C16orf87: variants seen among roughly 807,000 people sequenced by gnomAD.
The protein encoded by C16orf87 is UPF0547 protein C16orf87.
Under a neutral mutation model 21.0 loss-of-function variants are expected in C16orf87, and 13 were observed. The ratio of observed to expected loss-of-function variants is 0.62; its 90% CI spans 0.40 to 0.98. The LOEUF is 0.98. Among genes scored for constraint, C16orf87 ranks in the 50% least tolerant of loss-of-function variants. The pLI is 0.00. For synonymous variants in C16orf87, 49 were observed against 60.2 expected (o/e 0.81, Z 0.86); for missense variants, 113 against 180.4 (o/e 0.63, Z 2.14).
At chr16:46,820,330 A>G (rs1959365357) in intron 2 of C16orf87, among the ~76,000 whole-genome samples, 1 of 152,228 alleles carries the variant, frequency 6.6e-6, no homozygotes. Context: ...TTACTTATGC[A>G]AACAAGTCTT....
At position 46,802,749 on chromosome 16, in the gene C16orf87, C is replaced by T. The variant is rs1967813072; in HGVS notation, c.*203G>A. On this transcript the variant is annotated 3_prime_UTR_variant, in exon 4 of 4. Coordinates refer to ENST00000285697, the MANE Select transcript of C16orf87 (RefSeq NM_001001436.4). ...CCAAACACAAAACACTGACAATACT[C>T]CTTGGTAAACAAGGAAATCCCAGAA... The T allele has an allele frequency of 2.4e-6, 1 of 415,494 alleles. No homozygotes were observed. The allele number at this position is 415,494 out of a possible 1,614,324, so 25.7% of individuals were successfully genotyped here.
At chr16:46,809,934 C>T (rs1173324451) in intron 2 of C16orf87, 149 bp from the exon 3 acceptor site, 2 of 491,750 alleles carry the variant, frequency 4.1e-6, no homozygotes, top group East Asian at 3.1e-5. Flanking sequence ...TATATGTCTC[C>T]CCCACACCCT....
chr16:46,806,596 T>G (rs1225877152), intron 3 of C16orf87, among the ~76,000 whole-genome samples: 2 of 152,218 alleles, frequency 1.3e-5, no homozygotes, highest in East Asian at 3.8e-4. Flanking sequence ...TGTTCAGAAC[T>G]GCCTAACATA....
intron 1 of C16orf87, chr16:46,830,786 G>C: frequency 3.6e-6 from 1 of 281,572 alleles, no homozygotes; most frequent in Non-Finnish European, 6.6e-6. Context: ...GAGAGTCTGG[G>C]GCTCCAGACA....
chr16:46,812,862 T>C (rs960954742), intron 2 of C16orf87, among the ~76,000 whole-genome samples: 7 of 152,182 alleles, frequency 4.6e-5, no homozygotes, highest in African/African-American at 1.7e-4. Context: ...ACACCTCACT[T>C]ACCATCTTAC....
intron 2 of C16orf87, among the ~76,000 whole-genome samples, chr16:46,816,451 G>A (rs1430332342): frequency 6.6e-6 from 1 of 152,110 alleles, no homozygotes; most frequent in African/African-American, 2.4e-5. Flanking sequence ...TAGAAAACAA[G>A]ATACCCTGCT....
intron 2 of C16orf87, among the ~76,000 whole-genome samples, chr16:46,817,630 G>T (rs1388638127): frequency 6.6e-6 from 1 of 152,080 alleles, no homozygotes; most frequent in Non-Finnish European, 1.5e-5. Context: ...GGAGGTTGCA[G>T]TAAGCCGATA....
intron 3 of C16orf87, among the ~76,000 whole-genome samples, chr16:46,803,540 A>G (rs964065627): frequency 8.5e-5 from 13 of 152,060 alleles, no homozygotes; most frequent in African/African-American, 3.1e-4. Flanking sequence ...AATTTGAAAA[A>G]GAAAATAAAA....
intron 1 of C16orf87, among the ~76,000 whole-genome samples, chr16:46,829,008 T>C (rs1314710990): frequency 2.0e-5 from 3 of 152,194 alleles, no homozygotes; most frequent in African/African-American, 7.2e-5. Context: ...CTGGGTGGAA[T>C]TATGCACCCC....
Position 46,802,978 on chromosome 16 carries a change from T to A in C16orf87, c.439A>T (p.Ile147Phe). The A allele has an allele frequency of 6.3e-7, 1 of 1,589,090 alleles. No homozygotes were observed. The highest frequency in any genetic ancestry group is 8.6e-7 in the Non-Finnish European group (1 of 1,158,124). Residue 147 changes from isoleucine to phenylalanine, a missense_variant, in exon 4 of 4, where the codon ATT becomes TTT. Transcript: ENST00000285697. ...CAGAGAATAAGTCTTTGATTGATAATTTTTCTATTTATTTCTGCCAAGGCG... is the reference window on the plus strand; with the variant it reads ...CAGAGAATAAGTCTTTGATTGATAAATTTTCTATTTATTTCTGCCAAGGCG... ...SVALAEINRKIINQRLIL is the reference protein window; with the variant it reads ...SVALAEINRKFINQRLIL
intron 2 of C16orf87, among the ~76,000 whole-genome samples, chr16:46,818,535 T>C (rs1478416710): frequency 6.6e-6 from 1 of 152,208 alleles, no homozygotes; most frequent in Non-Finnish European, 1.5e-5. Flanking sequence ...AAAATACTAA[T>C]AAGCAATTAT....
At chr16:46,825,781 G>A (rs1959592495) in intron 1 of C16orf87, among the ~76,000 whole-genome samples, 1 of 151,938 alleles carries the variant, frequency 6.6e-6, no homozygotes. Context: ...AGGCGTCATG[G>A]CACATGCCTG....
chr16:46,817,109 C>A (rs1299926515), intron 2 of C16orf87, among the ~76,000 whole-genome samples: 1 of 152,000 alleles, frequency 6.6e-6, no homozygotes, highest in South Asian at 2.1e-4. Flanking sequence ...TATAGGCATG[C>A]CAGAATGAAA....
At chr16:46,810,683 A>G (rs1023435813) in intron 2 of C16orf87, among the ~76,000 whole-genome samples, 5 of 152,194 alleles carry the variant, frequency 3.3e-5, no homozygotes. Flanking sequence ...AATTAAAAGT[A>G]AAATAGTAAT....
Position 46,799,748 on chromosome 16 carries a change from T to TG in C16orf87, c.*3203dup, listed in dbSNP as rs1967717681. On this transcript the variant is annotated 3_prime_UTR_variant, in exon 4 of 4. Transcript: ENST00000285697. Reference sequence around the variant, plus strand: ...ATCACTCACTGCAGCCTCGAACTCCTGGGCTCAAGTGATCCTTTAGCCTCA... The same window carrying TG: ...ATCACTCACTGCAGCCTCGAACTCCTGGGGCTCAAGTGATCCTTTAGCCTCA... The TG allele has an allele frequency of 6.6e-6, 1 of 152,230 alleles. No homozygotes were observed. The highest frequency in any genetic ancestry group is 1.5e-5 in the Non-Finnish European group (1 of 68,056). The allele number at this position is 152,230 out of a possible 1,614,324, so 9.4% of individuals were successfully genotyped here. A position where few individuals can be genotyped will look rare whatever the true frequency, so the allele number is the denominator to read the frequency against.
intron 2 of C16orf87, among the ~76,000 whole-genome samples, chr16:46,816,358 A>G (rs879593364): frequency 2.6e-5 from 4 of 152,208 alleles, no homozygotes; most frequent in African/African-American, 7.2e-5. Context: ...TAAACTATAC[A>G]CTTATAAATG....
chr16:46,808,246 A>T, intron 3 of C16orf87: 1 of 377,650 alleles, frequency 2.6e-6, no homozygotes, highest in Non-Finnish European at 5.1e-6. Flanking sequence ...ACCTTAGTAC[A>T]GCCTTCCTAG....
intron 1 of C16orf87, among the ~76,000 whole-genome samples, chr16:46,825,240 T>C (rs1959568358): frequency 6.6e-6 from 1 of 152,158 alleles, no homozygotes; most frequent in South Asian, 2.1e-4. Context: ...CCAAGTGGAA[T>C]AGTGAGAACG....
intron 2 of C16orf87, among the ~76,000 whole-genome samples, chr16:46,819,103 C>T (rs1413276397): frequency 6.6e-6 from 1 of 152,228 alleles, no homozygotes; most frequent in African/African-American, 2.4e-5. Context: ...AGCCCCTATG[C>T]TCCAAGCCCA....
Sources: allele counts gnomAD v4.1 joint callset (sites outside exome capture counted in the v4.1 genomes callset), GRCh38; gene constraint gnomAD v4.1.1; transcripts MANE v1.5; gene names NCBI Gene and HGNC (gene_info 2026-07-23, HGNC 2026-07-21).